The following NTM variants were observed in gnomAD, a reference collection of about 807,000 sequenced individuals.
NTM encodes the protein IgLON family member 2.
NTM carries 13 observed loss-of-function variants against 42.1 expected under a neutral mutation model. That is an observed-to-expected ratio of 0.31 (90% CI 0.20 to 0.49). NTM has a LOEUF of 0.49. Ranked by LOEUF, NTM falls within the 20% of genes least tolerant of loss-of-function variation. NTM has a pLI of 0.99. For missense variants in NTM, 373 were observed against 452.8 expected (o/e 0.82, Z 1.60); for synonymous variants, 187 against 179.2 (o/e 1.04, Z -0.35).
At position 132,317,500 on chromosome 11, in the gene NTM, C is replaced by T. The variant is rs142241933; in HGVS notation, c.934+2797C>T. 4.2e-3 allele frequency among the ~76,000 whole-genome samples: 643 copies of T among 152,012 alleles called. 6 individuals carry two copies. The highest frequency in any genetic ancestry group is 0.014 in the African/African-American group (568 of 41,374). On this transcript the variant is annotated intron_variant, in intron 7 of 8. Coordinates refer to ENST00000683400, the MANE Select transcript of NTM (RefSeq NM_001352005.2). ...GTTTCTCTTGCCGCACCTTGTCCTA[C>T]GCCTTTGGTTTCTGTCTTCCTTTTT...
At chr11:131,681,843 G>A (rs1173369744) in intron 1 of NTM, among the ~76,000 whole-genome samples, 43 of 146,276 alleles carry the variant, frequency 2.9e-4, no homozygotes, top group African/African-American at 1.1e-3. Context: ...CTGTGTGTAT[G>A]TCTCCCTGTG....
intron 1 of NTM, among the ~76,000 whole-genome samples, chr11:131,627,247 G>A (rs1592276064): frequency 6.6e-6 from 1 of 151,460 alleles, no homozygotes; most frequent in African/African-American, 2.4e-5. Context: ...TGGGTTTGGG[G>A]GTATGGGGAA....
intron 1 of NTM, among the ~76,000 whole-genome samples, chr11:131,681,293 G>A (rs2072738256): frequency 1.8e-5 from 1 of 56,794 alleles, no homozygotes; most frequent in Non-Finnish European, 4.3e-5. Flanking sequence ...GTGTGAGCGT[G>A]TGTGTTTCTG....
intron 6 of NTM, 145 bp from the exon 7 acceptor site, chr11:132,314,406 TG>T: frequency 1.2e-6 from 1 of 821,204 alleles, no homozygotes; most frequent in Non-Finnish European, 1.8e-6. Context: ...TACTACATTA[TG>T]GTGTGGTTGA....
At chr11:131,614,073 G>A (rs2061690550) in intron 1 of NTM, among the ~76,000 whole-genome samples, 1 of 152,234 alleles carries the variant, frequency 6.6e-6, no homozygotes, top group Non-Finnish European at 1.5e-5. Context: ...GCACCATGGG[G>A]CGGAGATGCC....
At chr11:132,237,305 G>T (rs562669255) in intron 4 of NTM, among the ~76,000 whole-genome samples, 1 of 152,050 alleles carries the variant, frequency 6.6e-6, no homozygotes, top group Non-Finnish European at 1.5e-5. Context: ...TACGCTCTCG[G>T]CTCCACGAGG....
chr11:131,474,285 G>A (rs1952714381), intron 1 of NTM, among the ~76,000 whole-genome samples: 1 of 152,120 alleles, frequency 6.6e-6, no homozygotes, highest in African/African-American at 2.4e-5. Flanking sequence ...TTCTTCCTCA[G>A]CTCCTGTGGC....
chr11:131,953,620 C>T (rs1028609136), intron 2 of NTM, among the ~76,000 whole-genome samples: 7 of 152,144 alleles, frequency 4.6e-5, no homozygotes, highest in African/African-American at 1.7e-4. Flanking sequence ...TGTCAGTTTT[C>T]TTTGCTATTA....
Position 131,764,303 on chromosome 11 carries a change from A to T in NTM, c.83-147261A>T, listed in dbSNP as rs143918054. On this transcript the variant is annotated intron_variant, in intron 1 of 8. Transcript: ENST00000683400. ...CTGGCAAAGCTGTGCTTTATAGAAC[A>T]CCAGATGGAACCGGTCTCTTTTGTC... Among the ~76,000 whole-genome samples the T allele has an allele frequency of 4.6e-3, 706 of 152,244 alleles. 9 individuals carry two copies. The highest frequency in any genetic ancestry group is 0.014 in the Middle Eastern group (4 of 294).
chr11:131,613,650 C>A (rs751908164), intron 1 of NTM, among the ~76,000 whole-genome samples: 8 of 152,110 alleles, frequency 5.3e-5, no homozygotes, highest in Non-Finnish European at 1.2e-4. Flanking sequence ...AAGAGCCAGG[C>A]GCGATGCTGA....
rs150436297 is a variant in NTM at position 131,427,840 on chromosome 11, A to T, written c.82+56952A>T. 1.2e-4 allele frequency among the ~76,000 whole-genome samples: 18 copies of T among 152,338 alleles called. No homozygotes were observed. The East Asian group carries it at 3.5e-3, about 29-fold the overall frequency. On this transcript the variant is annotated intron_variant, in intron 1 of 8. Coordinates refer to ENST00000683400, the MANE Select transcript of NTM (RefSeq NM_001352005.2). ...GAAGTGCTTTGCAATCTTGACCCCC[A>T]GGTCGCTGTATTCCTCTGCTCCTCC...
At chr11:132,312,256 G>A (rs1282089588) in intron 6 of NTM, 1 of 152,218 alleles carries the variant, frequency 6.6e-6, no homozygotes, top group Non-Finnish European at 1.5e-5. Context: ...AGTGAGATGA[G>A]CAGACTACCA....
At chr11:131,709,623 C>A (rs1197263744) in intron 1 of NTM, among the ~76,000 whole-genome samples, 1 of 152,186 alleles carries the variant, frequency 6.6e-6, no homozygotes, top group African/African-American at 2.4e-5. Flanking sequence ...GCAGTCATTT[C>A]TGGACATGTT....
At chr11:131,488,239 G>T (rs1281749624) in intron 1 of NTM, among the ~76,000 whole-genome samples, 1 of 152,138 alleles carries the variant, frequency 6.6e-6, no homozygotes, top group Admixed American at 6.5e-5. Flanking sequence ...AGGTTGGCCG[G>T]GTGGTCTTTC....
chr11:131,661,092 G>A, intron 1 of NTM: 1 of 1,270,088 alleles, frequency 7.9e-7, no homozygotes, highest in Non-Finnish European at 1.0e-6. Flanking sequence ...AGACTGGTGG[G>A]GGGGTCTTCC....
intron 1 of NTM, among the ~76,000 whole-genome samples, chr11:131,883,858 C>A (rs7115424): frequency 0.37 from 55,676 of 152,020 alleles, 10,764 homozygotes; most frequent in East Asian, 0.5. Flanking sequence ...TGTACGTGGA[C>A]AAGCCCTGCT....
chr11:132,284,120 G>A (rs542086328), intron 4 of NTM, among the ~76,000 whole-genome samples: 57 of 152,318 alleles, frequency 3.7e-4, no homozygotes, highest in African/African-American at 1.3e-3. Context: ...AAAATGAAAT[G>A]AGGTATGGGA....
intron 1 of NTM, among the ~76,000 whole-genome samples, chr11:131,445,731 A>G (rs1950006734): frequency 6.6e-6 from 1 of 152,204 alleles, no homozygotes; most frequent in South Asian, 2.1e-4. Flanking sequence ...GATTTATCCA[A>G]GTACCATCCA....
intron 1 of NTM, chr11:131,455,485 A>G (rs1243576901): frequency 6.6e-6 from 1 of 152,216 alleles, no homozygotes; most frequent in Non-Finnish European, 1.5e-5. Context: ...CATTTTCTCA[A>G]AGGAATTGTT....
Sources: gnomAD v4.1 joint callset for allele counts (sites outside exome capture counted in the v4.1 genomes callset) on GRCh38, gnomAD v4.1.1 for gene constraint, MANE v1.5 for transcripts, NCBI Gene and HGNC (gene_info 2026-07-23, HGNC 2026-07-21) for gene names.